Variants in IQSEC3 observed in about 807,000 individuals in gnomAD.
IQSEC3 encodes the protein IQ motif and Sec7 domain ArfGEF 3, also known as IQ motif and SEC7 domain-containing protein 3.
Under a neutral mutation model 105.4 loss-of-function variants are expected in IQSEC3, and 50 were observed. The observed-to-expected ratio is 0.47, with a 90% CI of 0.38 to 0.60. IQSEC3 has a LOEUF of 0.60. IQSEC3 is among the 20% of genes least tolerant of loss of function. The pLI is 0.00. For missense variants in IQSEC3, 1,415 were observed against 1,630.0 expected, an observed-to-expected ratio of 0.87 and a Z score of 2.27; for synonymous variants, 708 against 746.0, an observed-to-expected ratio of 0.95 and a Z score of 0.83.
intron 2 of IQSEC3, among the ~76,000 whole-genome samples, chr12:115,257 G>A (rs546440900): frequency 6.6e-6 from 1 of 152,252 alleles, no homozygotes; most frequent in East Asian, 1.9e-4. Flanking sequence ...GGTAAACTTG[G>A]GCCTGTGAGG....
chr12:97,906 C>T (rs577142916), intron 1 of IQSEC3, among the ~76,000 whole-genome samples: 4 of 152,338 alleles, frequency 2.6e-5, no homozygotes, highest in East Asian at 3.9e-4. Context: ...GCCCCCAACA[C>T]GTGCCTGGGA....
rs567768210 is a variant in IQSEC3, at chr12:86,812, C to T, written c.555-12334C>T. Among the ~76,000 whole-genome samples, 17 of 152,002 alleles carry T rather than the reference C, an allele frequency of 1.1e-4. No homozygotes were observed. In the South Asian group the frequency reaches 3.1e-3, roughly 28 times the overall value. On this transcript the variant is annotated intron_variant, in intron 1 of 13. Transcript: ENST00000538872. ...ACCTCCCTTTTACAGTTCAGGAGACCGAGGCTGAAGAAGATCAGATAATCT... is the reference window on the plus strand; with the variant it reads ...ACCTCCCTTTTACAGTTCAGGAGACTGAGGCTGAAGAAGATCAGATAATCT...
At position 103,479 on chromosome 12, in the gene IQSEC3, G is replaced by A. The variant is rs1428739009; in HGVS notation, c.623+4265G>A. Among the ~76,000 whole-genome samples the A allele has an allele frequency of 2.6e-4, 26 of 100,746 alleles. 1 individual carries two copies. The highest frequency in any genetic ancestry group is 3.3e-4 in the Non-Finnish European group (16 of 47,916). The allele number at this position is 100,746 out of a possible 152,430, so 66.1% of individuals were successfully genotyped here. ...CAGGCAGGAGAGGCGGGGCTCAGGA[G>A]GGGAGGCGGGGCTCGGGGGGTAGGT... is the stretch of plus-strand genomic sequence containing the variant. On this transcript the variant is annotated intron_variant, in intron 2 of 13. Transcript: ENST00000538872.
intron 4 of IQSEC3, chr12:140,448 A>T (rs932433268): frequency 1.3e-5 from 2 of 152,200 alleles, no homozygotes; most frequent in Non-Finnish European, 2.9e-5. Context: ...AAACTCATAC[A>T]GACACTCATC....
At chr12:103,781 A>G (rs1230556741) in intron 2 of IQSEC3, among the ~76,000 whole-genome samples, 2 of 3,588 alleles carry the variant, frequency 5.6e-4, no homozygotes, top group African/African-American at 1.1e-3. Flanking sequence ...TCAGGAGGGG[A>G]GGCGGGGCTC....
chr12:123,938 T>G (rs1196719459), intron 2 of IQSEC3, among the ~76,000 whole-genome samples: 2 of 152,146 alleles, frequency 1.3e-5, no homozygotes, highest in African/African-American at 4.8e-5. Context: ...CTGTCCACTG[T>G]AGAGCCATCC....
chr12:137,726 C>A (rs1865824986), intron 3 of IQSEC3: 1 of 152,720 alleles, frequency 6.5e-6, no homozygotes, highest in African/African-American at 2.4e-5. Flanking sequence ...AATCATAGCT[C>A]ACTGTAATCT....
At chr12:123,727 GA>G (rs1203268311) in intron 2 of IQSEC3, among the ~76,000 whole-genome samples, 43 of 152,012 alleles carry the variant, frequency 2.8e-4, no homozygotes, top group African/African-American at 1.0e-3. Flanking sequence ...GAAGCCGCAG[GA>G]AGAGGTCCCT....
chr12:119,286 C>T (rs1865144441), intron 2 of IQSEC3, among the ~76,000 whole-genome samples: 1 of 152,178 alleles, frequency 6.6e-6, no homozygotes, highest in Non-Finnish European at 1.5e-5. Flanking sequence ...TATCCCTTGG[C>T]ACTCTTCTCA....
At chr12:74,136 G>A (rs1403828869) in intron 1 of IQSEC3, among the ~76,000 whole-genome samples, 3 of 152,168 alleles carry the variant, frequency 2.0e-5, no homozygotes, top group Non-Finnish European at 2.9e-5. Context: ...GGAGAGTGAG[G>A]GAAATGGCAT....
At chr12:89,896 C>T (rs563505764) in intron 1 of IQSEC3, among the ~76,000 whole-genome samples, 13 of 152,180 alleles carry the variant, frequency 8.5e-5, no homozygotes, top group Admixed American at 4.6e-4. Flanking sequence ...TGAATAGTTT[C>T]GTATCAGTAT....
intron 8 of IQSEC3, among the ~76,000 whole-genome samples, chr12:163,033 G>A (rs1866969246): frequency 6.6e-6 from 1 of 152,074 alleles, no homozygotes; most frequent in South Asian, 2.1e-4. Context: ...CAAGAAGCAT[G>A]ACAGGGATGA....
At chr12:103,679 G>GAGAGGTGGAGTTCGGTGGGGAGGCAGGA in intron 2 of IQSEC3, among the ~76,000 whole-genome samples, 1 of 30,240 alleles carries the variant, frequency 3.3e-5, no homozygotes, top group South Asian at 1.4e-3. Flanking sequence ...GGGAGGCAGG[G>GAGAGGTGGAGTTCGGTGGGGAGGCAGGA]CTCAGGGGTA....
chr12:110,644 C>T (rs1188029934), intron 2 of IQSEC3, among the ~76,000 whole-genome samples: 1 of 152,030 alleles, frequency 6.6e-6, no homozygotes, highest in South Asian at 2.1e-4. Flanking sequence ...TATAATCATT[C>T]CCCTCTCTTC....
At chr12:114,342 C>A (rs1467262751) in intron 2 of IQSEC3, among the ~76,000 whole-genome samples, 1 of 152,228 alleles carries the variant, frequency 6.6e-6, no homozygotes, top group African/African-American at 2.4e-5. Flanking sequence ...CCTCAGGGAC[C>A]TGAACAACAT....
intron 10 of IQSEC3, 94 bp from the exon 11 acceptor site, chr12:165,635 G>A (rs1867134092): frequency 1.3e-6 from 2 of 1,564,678 alleles, no homozygotes; most frequent in East Asian, 2.2e-5. Flanking sequence ...GTGGGTGGAG[G>A]CATGAGACCC....
At chr12:161,122 G>A (rs368684928) in intron 7 of IQSEC3, among the ~76,000 whole-genome samples, 37 of 152,166 alleles carry the variant, frequency 2.4e-4, no homozygotes, top group African/African-American at 6.5e-4. Flanking sequence ...TGTGGAAGGC[G>A]GGGTGTCCTT....
intron 1 of IQSEC3, among the ~76,000 whole-genome samples, chr12:75,349 G>A (rs1445177539): frequency 1.3e-5 from 2 of 152,154 alleles, no homozygotes; most frequent in Non-Finnish European, 2.9e-5. Flanking sequence ...GCAGAGAATT[G>A]GAATTGCCTT....
Position 141,105 on chromosome 12 carries a change from T to TC in IQSEC3, c.1992-15dup. The TC allele has an allele frequency of 3.2e-6, 5 of 1,578,004 alleles. No homozygotes were observed. The highest frequency in any genetic ancestry group is 3.4e-5 in the Admixed American group (2 of 59,112). ...GCTTCAGCTCACTCTCTACTGCTTC[T>TC]CCCCACCCCCACCTCCAGAAACCCC... is the stretch of plus-strand genomic sequence containing the variant. On this transcript the variant is annotated intron_variant, in intron 4 of 13. Transcript: ENST00000538872.
Sources: gnomAD v4.1 joint callset for allele counts (sites outside exome capture counted in the v4.1 genomes callset) on GRCh38, gnomAD v4.1.1 for gene constraint, MANE v1.5 for transcripts, NCBI Gene and HGNC (gene_info 2026-07-23, HGNC 2026-07-21) for gene names.